IL16: variants seen among roughly 807,000 people sequenced by gnomAD.
IL16 encodes pro-interleukin-16.
In IL16, 67 loss-of-function variants were observed where a neutral mutation model predicts 110.1. The observed-to-expected ratio is 0.61, with a 90% CI of 0.50 to 0.75. IL16 has a LOEUF of 0.75. Ranked by LOEUF, IL16 falls within the 30% of genes least tolerant of loss-of-function variation. IL16 has a pLI of 0.00. For missense variants in IL16, 1,545 were observed against 1,655.0 expected (o/e 0.93, Z 1.15); for synonymous variants, 689 against 662.9 (o/e 1.04, Z -0.61).
intron 1 of IL16, chr15:81,182,929 C>T: frequency 7.8e-7 from 1 of 1,274,200 alleles, no homozygotes; most frequent in South Asian, 1.2e-5. Flanking sequence ...TCCCAGGGGA[C>T]TCAGGGGAGG....
At chr15:81,225,063 G>A (rs1204076645) in intron 1 of IL16, among the ~76,000 whole-genome samples, 2 of 152,136 alleles carry the variant, frequency 1.3e-5, no homozygotes, top group African/African-American at 4.8e-5. Context: ...TATAGAATGA[G>A]AAGCTCTGGG....
At chr15:81,278,730 C>A (rs1899026801) in intron 6 of IL16, 87 bp from the exon 7 acceptor site, 1 of 875,088 alleles carries the variant, frequency 1.1e-6, no homozygotes, top group South Asian at 1.3e-5. Flanking sequence ...AAAAGCCGGG[C>A]AGTTGGGGAG....
chr15:81,205,255 G>A (rs1172834002), intron 1 of IL16, among the ~76,000 whole-genome samples: 1 of 148,328 alleles, frequency 6.7e-6, no homozygotes, highest in Non-Finnish European at 1.5e-5. Context: ...GCAGTGAGCC[G>A]AGATCACACC....
chr15:81,206,911 A>G (rs1457419381), intron 1 of IL16, among the ~76,000 whole-genome samples: 2 of 151,962 alleles, frequency 1.3e-5, no homozygotes, highest in Non-Finnish European at 2.9e-5. Flanking sequence ...CATGGTGGCA[A>G]TAAAACCACC....
intron 16 of IL16, among the ~76,000 whole-genome samples, chr15:81,305,263 C>T (rs1257924637): frequency 6.6e-6 from 1 of 152,170 alleles, no homozygotes; most frequent in African/African-American, 2.4e-5. Context: ...AAATCTGCTG[C>T]CATGCAAATT....
At chr15:81,243,994 A>G (rs1235179284) in intron 2 of IL16, among the ~76,000 whole-genome samples, 1 of 152,140 alleles carries the variant, frequency 6.6e-6, no homozygotes, top group East Asian at 1.9e-4. Context: ...GATTGTCTCT[A>G]TAAAAAATCT....
At position 81,299,947 on chromosome 15, in the gene IL16, C is replaced by T. The variant is rs927136674; in HGVS notation, c.2621C>T (p.Pro874Leu). 1.2e-6 allele frequency: 2 copies of T among 1,611,806 alleles called. No individual in the cohort carries two copies. ...CCCTCCTCTGGGGAGGCAGCAAAACCTCTTGGGAAGCATGAGGAAGGACGG... is the reference window on the plus strand; with the variant it reads ...CCCTCCTCTGGGGAGGCAGCAAAACTTCTTGGGAAGCATGAGGAAGGACGG... ...LQPSSGEAAK[P>L]LGKHEEGRFS... The change falls in exon 14 of 19, where the codon CCT becomes CTT. Residue 874 changes from proline to leucine, a missense_variant. Physicochemically the swap from Pro to Leu is moderately conservative, Grantham distance 98. This residue lies in a region of IL16 where 1,185 missense variants were observed against 1,238.8 expected (regional missense o/e 0.96). Coordinates refer to ENST00000683961, the MANE Select transcript of IL16 (RefSeq NM_172217.5).
chr15:81,279,218 C>A (rs2142289502), intron 7 of IL16, among the ~76,000 whole-genome samples: 1 of 152,260 alleles, frequency 6.6e-6, no homozygotes, highest in East Asian at 1.9e-4. Context: ...CTAGTTAGTT[C>A]AATTCATGAC....
At chr15:81,201,847 T>A (rs1895828368) in intron 1 of IL16, among the ~76,000 whole-genome samples, 1 of 152,222 alleles carries the variant, frequency 6.6e-6, no homozygotes, top group Admixed American at 6.5e-5. Context: ...TGCTGCAGCA[T>A]GTTTTGTTTT....
chr15:81,290,580 CT>C, intron 11 of IL16, 40 bp downstream of exon 11: 1 of 1,386,584 alleles, frequency 7.2e-7, no homozygotes, highest in East Asian at 2.3e-5. Context: ...ATATCTTTGC[CT>C]TCTTAGAAAG....
rs1898349267 is a variant in IL16, at chr15:81,265,736, TACTC to T, written c.500_503del (p.Tyr167PhefsTer30). On this transcript the variant is annotated frameshift_variant, in exon 4 of 19. Transcript: ENST00000683961. LOFTEE classifies it high-confidence loss of function. The stretch of plus-strand genomic sequence containing the variant: ...TGCAGCGCCCACGGACAGGCAGCCT[TACTC>T]TCTCTGCAGTAACAGGAAGTCCCTC... 1 of 1,613,980 alleles carries T rather than the reference TACTC, an allele frequency of 6.2e-7. No individual in the cohort carries two copies. The highest frequency in any genetic ancestry group is 1.3e-5 in the African/African-American group (1 of 75,040).
chr15:81,225,236 G>A (rs916779813), intron 1 of IL16, 63 bp from the exon 2 acceptor site: 7 of 1,355,644 alleles, frequency 5.2e-6, no homozygotes, highest in South Asian at 1.5e-5. Flanking sequence ...TCCAGGACTC[G>A]TGTGCAGCTC....
chr15:81,313,401 TC>T lies in IL16; in HGVS notation c.*4606del. 1 of 1,543,244 alleles carries T rather than the reference TC, an allele frequency of 6.5e-7. No individual in the cohort carries two copies. The highest frequency in any genetic ancestry group is 8.8e-7 in the Non-Finnish European group (1 of 1,142,684). On this transcript the variant is annotated 3_prime_UTR_variant, in exon 19 of 19. Transcript: ENST00000683961. ...TGTGACCAGGTTGGTCTTGGTGGGT[TC>T]CCTGTGAAGGCAACAGCAGAGCTGT... is the stretch of plus-strand genomic sequence containing the variant.
At chr15:81,267,071 G>T (rs923697490) in intron 4 of IL16, among the ~76,000 whole-genome samples, 3 of 152,218 alleles carry the variant, frequency 2.0e-5, no homozygotes, top group Admixed American at 2.0e-4. Flanking sequence ...GGGTCATACA[G>T]GAGTACACTG....
At position 81,300,001 on chromosome 15, in the gene IL16, C is replaced by T. The variant is rs756937717; in HGVS notation, c.2675C>T (p.Ala892Val). 10 of 1,588,754 alleles carry T rather than the reference C, an allele frequency of 6.3e-6. No homozygotes were observed. Among genetic ancestry groups the T allele is most frequent in the Non-Finnish European group, 8.6e-6 (10 of 1,167,286 alleles). ...TCTGGACTCTTGGGGCGAGGGGCTG[C>T]ACCCACTCTTGTGCCCCAGCAGCCT... Reference protein sequence around the residue: ...RFSGLLGRGAAPTLVPQQPEQ... With the variant: ...RFSGLLGRGAVPTLVPQQPEQ... Residue 892 changes from alanine to valine, a missense_variant, in exon 14 of 19, where the codon GCA becomes GTA. Physicochemically the swap from Ala to Val is moderately conservative, Grantham distance 64 (BLOSUM62 0). Transcript: ENST00000683961.
intron 2 of IL16, among the ~76,000 whole-genome samples, chr15:81,256,218 G>C (rs1897938901): frequency 6.6e-6 from 1 of 151,320 alleles, no homozygotes; most frequent in Non-Finnish European, 1.5e-5. Flanking sequence ...CAGCCTTTTT[G>C]CCCTTTTTCT....
At chr15:81,291,176 C>T (rs1461931245) in intron 11 of IL16, among the ~76,000 whole-genome samples, 3 of 152,216 alleles carry the variant, frequency 2.0e-5, no homozygotes, top group African/African-American at 7.2e-5. Context: ...GAACAACATG[C>T]AACCATTGGC....
At chr15:81,189,586 A>C (rs1471745995) in intron 1 of IL16, among the ~76,000 whole-genome samples, 1 of 152,116 alleles carries the variant, frequency 6.6e-6, no homozygotes, top group African/African-American at 2.4e-5. Flanking sequence ...CGACCAGTCA[A>C]GTGATTTAAT....
chr15:81,301,650 C>T (rs1900293231), intron 15 of IL16, 138 bp downstream of exon 15: 2 of 669,664 alleles, frequency 3.0e-6, no homozygotes, highest in South Asian at 3.8e-5. Context: ...TGGTGGGACA[C>T]TGTAGCACTT....
Sources: gnomAD v4.1 joint callset for allele counts (sites outside exome capture counted in the v4.1 genomes callset) on GRCh38, gnomAD v4.1.1 for gene constraint, gnomAD v4.1.1 regional missense constraint, MANE v1.5 for transcripts, NCBI Gene and HGNC (gene_info 2026-07-23, HGNC 2026-07-21) for gene names.